ZNF16: variants seen among roughly 807,000 people sequenced by gnomAD.
ZNF16 encodes zinc finger protein KOX9.
In ZNF16, 7 loss-of-function variants were observed where a neutral mutation model predicts 9.0. That is an observed-to-expected ratio of 0.78 (90% confidence interval 0.44 to 1.47). The LOEUF (loss-of-function observed/expected upper bound fraction) is 1.47, where lower values mean the gene tolerates loss of function less well. Ranked by LOEUF, ZNF16 falls within the 40% of genes most tolerant of loss-of-function variation. The probability of loss-of-function intolerance (pLI) is 0.01; values close to 1 mark genes in which losing one functional copy is unlikely to be tolerated. For synonymous variants in ZNF16, 312 were observed against 301.5 expected (o/e 1.03, Z -0.36); for missense variants, 830 against 854.2 (o/e 0.97, Z 0.35).
Position 144,942,185 on chromosome 8 carries a change from A to G in ZNF16, c.196+3826T>C, listed in dbSNP as rs1260467601. 3.0e-4 allele frequency among the ~76,000 whole-genome samples: 43 copies of G among 145,604 alleles called. 1 individual carries two copies. Among genetic ancestry groups the G allele is most frequent in the Admixed American group, 5.6e-4 (8 of 14,354 alleles). ...AGTAGAGACGGGGTTTCACTGTGTT[A>G]GCCGGGATGGTCTCAATCTCCTGAC... On this transcript the variant is annotated intron_variant, in intron 2 of 2. Transcript: ENST00000394909.
chr8:144,944,860 T>G (rs1184067759), intron 2 of ZNF16: 2 of 152,356 alleles, frequency 1.3e-5, no homozygotes, highest in Non-Finnish European at 2.9e-5. Flanking sequence ...TTCTTTAGCT[T>G]GTGTTCAACC....
Position 144,930,869 on chromosome 8 carries a change from G to C in ZNF16, c.1918C>G (p.Gln640Glu), listed in dbSNP as rs751376818. Residue 640 changes from glutamine to glutamate, a missense_variant, in exon 3 of 3, where the codon CAG (glutamine) becomes GAG (glutamate). Gln to Glu is a conservative substitution (Grantham distance 29). Coordinates refer to ENST00000394909, the MANE Select transcript of ZNF16 (RefSeq NM_006958.3). ...TGGTGCTGGATGAGGACCGAACGCT[G>C]ACTGAAGGCTTTCCCACACTCACTG... Reference protein sequence around the residue: ...KCSECGKAFSQRSVLIQHQRI... With the variant: ...KCSECGKAFSERSVLIQHQRI... 4.4e-6 allele frequency: 7 copies of C among 1,606,272 alleles called. No homozygotes were observed. Among genetic ancestry groups the C allele is most frequent in the Non-Finnish European group, 4.3e-6 (5 of 1,175,518 alleles).
At chr8:144,949,899 T>G (rs958505584) in intron 1 of ZNF16, among the ~76,000 whole-genome samples, 2 of 152,142 alleles carry the variant, frequency 1.3e-5, no homozygotes, top group African/African-American at 2.4e-5. Flanking sequence ...TGAGGTGGAT[T>G]GGTAAAAGAG....
chr8:144,932,014 G>A lies in ZNF16; in HGVS notation c.773C>T (p.Ser258Phe). 1 of 1,614,142 alleles carries A rather than the reference G, an allele frequency of 6.2e-7. No individual in the cohort carries two copies. Among genetic ancestry groups the A allele is most frequent in the East Asian group, 2.2e-5 (1 of 44,878 alleles). Reference sequence around the variant, plus strand: ...CTGGTAAGCTTTCTCACTCATATGAGATCGATGACGGTTTTTAAGAACTGA... The same window carrying A: ...CTGGTAAGCTTTCTCACTCATATGAAATCGATGACGGTTTTTAAGAACTGA... ...QNSVLKNRHRSHMSEKAYQCS... is the reference protein window; with the variant it reads ...QNSVLKNRHRFHMSEKAYQCS... The change falls in exon 3 of 3, where the codon TCT becomes TTT. Residue 258 changes from serine (S) to phenylalanine (F), a missense_variant. Physicochemically the swap from Ser to Phe is radical, Grantham distance 155 (BLOSUM62 -2). Coordinates refer to ENST00000394909, the MANE Select transcript of ZNF16 (RefSeq NM_006958.3). The surrounding 1 kb of genome is among the most constrained non-coding windows in gnomAD (Gnocchi z 5.0).
intron 1 of ZNF16, among the ~76,000 whole-genome samples, chr8:144,949,991 G>A (rs913888998): frequency 1.2e-4 from 18 of 152,312 alleles, no homozygotes; most frequent in Non-Finnish European, 7.4e-5. Context: ...TATAAAACCC[G>A]ATTGTACATT....
Position 144,930,543 on chromosome 8 carries a change from G to C in ZNF16, c.*195C>G. 3.5e-6 allele frequency: 2 copies of C among 572,250 alleles called. No homozygotes were observed. The highest frequency in any genetic ancestry group is 5.9e-6 in the Non-Finnish European group (2 of 341,818). The allele number at this position is 572,250 out of a possible 1,614,324, so 35.4% of individuals were successfully genotyped here. The stretch of plus-strand genomic sequence containing the variant: ...AGCCCAAACCCAAGACATCACAAGA[G>C]GCAAGAGCAGTGGCAGTGAGAAGGG... On this transcript the variant is annotated 3_prime_UTR_variant, in exon 3 of 3. Coordinates refer to ENST00000394909, the MANE Select transcript of ZNF16 (RefSeq NM_006958.3).
In ZNF16 at chr8:144,932,539, T is replaced by C; in HGVS notation, c.248A>G (p.His83Arg). 3 of 1,614,184 alleles carry C rather than the reference T, an allele frequency of 1.9e-6. No individual in the cohort carries two copies. Among genetic ancestry groups the C allele is most frequent in the Non-Finnish European group, 2.5e-6 (3 of 1,180,022 alleles). The change falls in exon 3 of 3, where the codon CAT (histidine) becomes CGT (arginine). Residue 83 changes from histidine to arginine, a missense_variant. Transcript: ENST00000394909. The surrounding 1 kb of genome is among the most constrained non-coding windows in gnomAD (Gnocchi z 5.0). Reference sequence around the variant, plus strand: ...TTCTGCCTGTGATTCCAAATCTTCATGAATGTCTTCCTTGTGAAGAAACTC... The same window carrying C: ...TTCTGCCTGTGATTCCAAATCTTCACGAATGTCTTCCTTGTGAAGAAACTC... The part of the protein sequence containing the change: ...DKEFLHKEDI[H>R]EDLESQAEIS...
chr8:144,932,480 C>T lies in ZNF16; in HGVS notation c.307G>A (p.Val103Ile). 1.2e-6 allele frequency: 2 copies of T among 1,614,214 alleles called. No individual in the cohort carries two copies. Among genetic ancestry groups the T allele is most frequent in the Non-Finnish European group, 1.7e-6 (2 of 1,180,052 alleles). ...TCACACAGATCTCCAAGCTCGGGTA[C>T]CTGGGAAACATCACCAGCATAGTTT... ...SENYAGDVSQ[V>I]PELGDLCDDV... The change falls in exon 3 of 3, where the codon GTA becomes ATA. Residue 103 changes from valine to isoleucine, a missense_variant. By Grantham distance (29) the Val-to-Ile change is conservative. Transcript: ENST00000394909. The surrounding 1 kb of genome is among the most constrained non-coding windows in gnomAD (Gnocchi z 5.0).
In ZNF16 at chr8:144,931,774, T is replaced by C; in HGVS notation, c.1013A>G (p.Gln338Arg). The change falls in exon 3 of 3, where the codon CAA becomes CGA. Residue 338 changes from glutamine to arginine, a missense_variant. By Grantham distance (43) the Gln-to-Arg change is conservative. Transcript: ENST00000394909. ...KAFRRSSNLI[Q>R]HQRIHSGEKP... ...CTCCCCAGAATGGATTCTTTGATGT[T>C]GGATGAGGTTTGAGCTCCGCCTAAA... 6.2e-7 allele frequency: 1 copy of C among 1,614,168 alleles called. No homozygotes were observed. Among genetic ancestry groups the C allele is most frequent in the Middle Eastern group, 1.6e-4 (1 of 6,062 alleles).
chr8:144,935,479 T>A (rs1232923117), intron 2 of ZNF16, among the ~76,000 whole-genome samples: 1 of 152,198 alleles, frequency 6.6e-6, no homozygotes. Flanking sequence ...CTGCTGGGAT[T>A]ACAGGTGTGA....
In ZNF16 at chr8:144,931,234, G is replaced by T. The variant is rs774479732; in HGVS notation, c.1553C>A (p.Ala518Asp). Residue 518 changes from alanine (A) to aspartate (D), a missense_variant, in exon 3 of 3, where the codon GCC becomes GAC. Physicochemically the swap from Ala to Asp is moderately radical, Grantham distance 126. Coordinates refer to ENST00000394909, the MANE Select transcript of ZNF16 (RefSeq NM_006958.3). ...AAAGGTCTTCCCACACTCGTGGCAG[G>T]CGTAGGGCTTGTCGCCTGTGTGCAC... is the stretch of plus-strand genomic sequence containing the variant. ...QGVHTGDKPY[A>D]CHECGKTFGR... 6.2e-7 allele frequency: 1 copy of T among 1,612,526 alleles called. No individual in the cohort carries two copies. Among genetic ancestry groups the T allele is most frequent in the Non-Finnish European group, 8.5e-7 (1 of 1,179,638 alleles).
chr8:144,948,331 T>C (rs956446297), intron 1 of ZNF16: 1 of 152,012 alleles, frequency 6.6e-6, no homozygotes, highest in African/African-American at 2.4e-5. Flanking sequence ...TGGTGGGAGA[T>C]GAGATTCAAA....
At chr8:144,937,292 T>C (rs987676843) in intron 2 of ZNF16, among the ~76,000 whole-genome samples, 4 of 151,694 alleles carry the variant, frequency 2.6e-5, no homozygotes, top group Non-Finnish European at 5.9e-5. Context: ...CATGCCACCA[T>C]GCCCAGCTAA....
Position 144,946,184 on chromosome 8 carries a change from C to A in ZNF16, c.23G>T (p.Arg8Leu). The A allele has an allele frequency of 1.3e-6, 2 of 1,531,330 alleles. No individual in the cohort carries two copies. 94.9% of individuals were successfully genotyped at this position (1,531,330 alleles called of 1,614,324 possible). A position where few individuals can be genotyped will look rare whatever the true frequency, so the allele number is the denominator to read the frequency against. The change falls in exon 2 of 3, where the codon CGT becomes CTT. Residue 8 changes from arginine (R) to leucine (L), a missense_variant. Transcript: ENST00000394909. Reference sequence around the variant, plus strand: ...TGAGAGCTCCATCTCTGCCTCCTCACGGCGAGTTCTGAGGCTGGGCATGAC... The same window carrying A: ...TGAGAGCTCCATCTCTGCCTCCTCAAGGCGAGTTCTGAGGCTGGGCATGAC... MPSLRTR[R>L]EEAEMELSVP...
chr8:144,944,560 GTTGAT>G (rs1285699500), intron 2 of ZNF16: 1 of 152,288 alleles, frequency 6.6e-6, no homozygotes, highest in African/African-American at 2.4e-5. Context: ...ATTTGAGGCA[GTTGAT>G]TTGAAGTTTT....
At chr8:144,949,394 A>G (rs1268209813) in intron 1 of ZNF16, among the ~76,000 whole-genome samples, 1 of 152,130 alleles carries the variant, frequency 6.6e-6, no homozygotes, top group Non-Finnish European at 1.5e-5. Flanking sequence ...GGAACCACGA[A>G]CCCACCCTTG....
intron 1 of ZNF16, among the ~76,000 whole-genome samples, chr8:144,949,100 T>C (rs1834028524): frequency 6.6e-6 from 1 of 152,270 alleles, no homozygotes; most frequent in Admixed American, 6.5e-5. Context: ...TGGAGTCTCC[T>C]GGCTAGAGGC....
intron 2 of ZNF16, among the ~76,000 whole-genome samples, chr8:144,936,405 T>C (rs1188221655): frequency 1.3e-5 from 2 of 152,246 alleles, no homozygotes; most frequent in Non-Finnish European, 2.9e-5. Flanking sequence ...AGTATGTGTC[T>C]TCAATTATCT....
chr8:144,941,448 G>A (rs972080443), intron 2 of ZNF16, among the ~76,000 whole-genome samples: 23 of 152,004 alleles, frequency 1.5e-4, no homozygotes, highest in African/African-American at 5.3e-4. Context: ...AGCCTCTTGT[G>A]GCATATAGTT....
Sources: gnomAD v4.1 joint callset for allele counts (sites outside exome capture counted in the v4.1 genomes callset) on GRCh38, gnomAD v4.1.1 for gene constraint, Gnocchi (gnomAD v3.1) non-coding constraint, MANE v1.5 for transcripts, NCBI Gene and HGNC (gene_info 2026-07-23, HGNC 2026-07-21) for gene names.